C3orf49: variants seen among roughly 807,000 people sequenced by gnomAD.
The protein encoded by C3orf49 is chromosome 3 open reading frame 49, also known as putative uncharacterized protein C3orf49.
In C3orf49, 27 loss-of-function variants were observed where a neutral mutation model predicts 13.3. The observed-to-expected ratio is 2.02, with a 90% CI of 1.49 to 2.79. The LOEUF (loss-of-function observed/expected upper bound fraction) is 2.79, where lower values mean the gene tolerates loss of function less well. Among genes scored for constraint, C3orf49 ranks in the 30% most tolerant of loss-of-function variants. The pLI, the probability that C3orf49 is intolerant of heterozygous loss-of-function variation, is 0.00. For synonymous variants in C3orf49, 87 were observed against 47.6 expected (o/e 1.83, Z -3.40); for missense variants, 242 against 134.2 (o/e 1.80, Z -3.97).
At chr3:63,781,231 A>T in the C3orf49 span, among the ~76,000 whole-genome samples, 2 of 150,760 alleles carry the variant, frequency 1.3e-5, no homozygotes, top group Admixed American at 6.6e-5. Context: ...TCCCAGCACC[A>T]TTTATTAAAT....
intron 5 of C3orf49, among the ~76,000 whole-genome samples, chr3:63,842,869 C>A (rs1362561137): frequency 6.6e-6 from 1 of 151,532 alleles, no homozygotes. Context: ...GCAACCTCCA[C>A]CTACTGGGTT....
chr3:63,835,418 T>G (rs1168809728), intron 5 of C3orf49: 1 of 1,606,290 alleles, frequency 6.2e-7, no homozygotes. Context: ...GTGTTACATT[T>G]TGCTGAATGG....
At position 63,823,515 on chromosome 3, in the gene C3orf49, G is replaced by A. The variant is rs1359817710; in HGVS notation, c.391G>A (p.Glu131Lys). The change falls in exon 2 of 7, where the codon GAG becomes AAG. Residue 131 changes from glutamate to lysine, a missense_variant. Coordinates refer to ENST00000295896, the MANE Select transcript of C3orf49 (RefSeq NM_001355236.2). ...GAGCCTTCTCCCTAGGATTGTCAAG[G>A]AGTTTTCATCTCCCAAGTTATTTAC... ...TQSLLPRIVK[E>K]FSSPKLFTAK... The A allele has an allele frequency of 2.7e-5, 19 of 702,228 alleles. No individual in the cohort carries two copies. Among genetic ancestry groups the A allele is most frequent in the East Asian group, 2.7e-5 (1 of 37,290 alleles). The allele number at this position is 702,228 out of a possible 1,614,324, so 43.5% of individuals were successfully genotyped here. A position where few individuals can be genotyped will look rare whatever the true frequency, so the allele number is the denominator to read the frequency against.
upstream of C3orf49, among the ~76,000 whole-genome samples, chr3:63,817,879 G>C (rs1255146853): frequency 6.6e-6 from 1 of 152,108 alleles, no homozygotes; most frequent in Non-Finnish European, 1.5e-5. Context: ...CATTCATCTA[G>C]ATAATTGATG....
chr3:63,812,794 G>T, the C3orf49 span, among the ~76,000 whole-genome samples: 2 of 152,122 alleles, frequency 1.3e-5, no homozygotes, highest in Non-Finnish European at 2.9e-5. Flanking sequence ...TAATTTTTTA[G>T]CGTAAATGTA....
At chr3:63,827,105 T>C (rs1701472736) in intron 2 of C3orf49, 1 of 152,354 alleles carries the variant, frequency 6.6e-6, no homozygotes, top group South Asian at 2.1e-4. Flanking sequence ...AATACATTTA[T>C]GGAGTTAAGC....
At chr3:63,787,831 C>T in the C3orf49 span, among the ~76,000 whole-genome samples, 42 of 152,276 alleles carry the variant, frequency 2.8e-4, no homozygotes, top group African/African-American at 9.9e-4. Flanking sequence ...ACCCAACTCC[C>T]AGGTTCTGAA....
chr3:63,808,369 C>T, the C3orf49 span, among the ~76,000 whole-genome samples: 1 of 152,220 alleles, frequency 6.6e-6, no homozygotes, highest in Non-Finnish European at 1.5e-5. Context: ...CAACTTCTGT[C>T]TAACCCTGTG....
chr3:63,817,498 G>T (rs1274530973), upstream of C3orf49, among the ~76,000 whole-genome samples: 1 of 152,092 alleles, frequency 6.6e-6, no homozygotes, highest in Non-Finnish European at 1.5e-5. Flanking sequence ...ACTCAAAGAA[G>T]CTTGGGAGGT....
At chr3:63,810,185 G>C in the C3orf49 span, among the ~76,000 whole-genome samples, 82 of 149,944 alleles carry the variant, frequency 5.5e-4, 3 homozygotes, top group South Asian at 7.5e-3. Flanking sequence ...AATTACGTTT[G>C]TGCCAACCTA....
At chr3:63,822,339 TA>T (rs1381287012) in intron 1 of C3orf49, among the ~76,000 whole-genome samples, 1 of 152,188 alleles carries the variant, frequency 6.6e-6, no homozygotes, top group African/African-American at 2.4e-5. Context: ...AATTTTAATT[TA>T]AAAAACACCG....
intron 2 of C3orf49, among the ~76,000 whole-genome samples, chr3:63,826,404 G>C (rs140751090): frequency 2.0e-4 from 30 of 152,262 alleles, no homozygotes; most frequent in South Asian, 4.1e-4. Context: ...AATAAGCATA[G>C]GTAGAAGTTA....
upstream of C3orf49, among the ~76,000 whole-genome samples, chr3:63,818,794 T>C (rs1288261607): frequency 6.6e-6 from 1 of 152,096 alleles, no homozygotes; most frequent in African/African-American, 2.4e-5. Context: ...AATGGGGCAA[T>C]GTTGGAAGGG....
Position 63,819,581 on chromosome 3 carries a change from G to C in C3orf49, c.110G>C (p.Arg37Thr), listed in dbSNP as rs1012735549. ...AAGAAGAAAAATGGCTCATTCAAAAGGAAGGGGATAGAAAGGTAACAGAGA... is the reference window on the plus strand; with the variant it reads ...AAGAAGAAAAATGGCTCATTCAAAACGAAGGGGATAGAAAGGTAACAGAGA... ...QLKKKNGSFK[R>T]KGIERWHRAV... is the part of the protein sequence containing the mutation. Residue 37 changes from arginine to threonine, a missense_variant, in exon 1 of 7, where the codon AGG becomes ACG. Arg to Thr is a moderately conservative substitution (Grantham distance 71). Transcript: ENST00000295896. 76 of 703,334 alleles carry C rather than the reference G, an allele frequency of 1.1e-4. No individual in the cohort carries two copies. The highest frequency in any genetic ancestry group is 1.7e-4 in the Non-Finnish European group (67 of 385,042). 43.6% of individuals were successfully genotyped at this position (703,334 alleles called of 1,614,324 possible).
chr3:63,831,057 C>A, intron 3 of C3orf49, 53 bp from the exon 4 acceptor site: 2 of 678,270 alleles, frequency 2.9e-6, no homozygotes, highest in Non-Finnish European at 5.3e-6. Flanking sequence ...AGCACCATCA[C>A]ATAAATAATG....
At chr3:63,831,301 A>G in intron 4 of C3orf49, 78 bp downstream of exon 4, 1 of 661,552 alleles carries the variant, frequency 1.5e-6, no homozygotes. Context: ...CAGCCCTGCT[A>G]GACAGCATGG....
the C3orf49 span, among the ~76,000 whole-genome samples, chr3:63,782,083 G>A: frequency 6.6e-6 from 1 of 152,116 alleles, no homozygotes; most frequent in Non-Finnish European, 1.5e-5. Context: ...AATCACTGTT[G>A]ACCCTCAATA....
chr3:63,834,330 A>G, intron 5 of C3orf49: 1 of 854,264 alleles, frequency 1.2e-6, no homozygotes, highest in Non-Finnish European at 1.8e-6. Flanking sequence ...AGTTGAATCA[A>G]ACTTTAAAAT....
intron 5 of C3orf49, among the ~76,000 whole-genome samples, chr3:63,842,217 C>A (rs1701776274): frequency 1.3e-5 from 2 of 152,098 alleles, no homozygotes; most frequent in Non-Finnish European, 2.9e-5. Flanking sequence ...TGAAAAAATT[C>A]TCAACATCAC....
Sources: allele counts gnomAD v4.1 joint callset (sites outside exome capture counted in the v4.1 genomes callset), GRCh38; gene constraint gnomAD v4.1.1; transcripts MANE v1.5; gene names NCBI Gene and HGNC (gene_info 2026-07-23, HGNC 2026-07-21).